The following PDIA2 variants were observed in gnomAD, a reference collection of about 807,000 sequenced individuals.
PDIA2 encodes the protein protein disulfide isomerase family A member 2, also known as protein disulfide-isomerase A2.
Under a neutral mutation model 51.1 loss-of-function variants are expected in PDIA2, and 76 were observed. That is an observed-to-expected ratio of 1.49 (90% CI 1.24 to 1.80). PDIA2 has a LOEUF of 1.80. PDIA2 is among the 40% of genes most tolerant of loss of function. The probability of loss-of-function intolerance (pLI) is 0.00; values close to 1 mark genes in which losing one functional copy is unlikely to be tolerated. For synonymous variants in PDIA2, 429 were observed against 309.9 expected, an observed-to-expected ratio of 1.38 and a Z score of -4.04; for missense variants, 946 against 706.5, an observed-to-expected ratio of 1.34 and a Z score of -3.84.
At chr16:286,313 A>G in intron 7 of PDIA2, 40 bp from the exon 8 acceptor site, 1 of 1,378,308 alleles carries the variant, frequency 7.3e-7, no homozygotes, top group Non-Finnish European at 9.6e-7. Context: ...TGAACCCTGC[A>G]GAGGACCCCT....
In PDIA2 at chr16:284,495, C is replaced by A. The variant is rs781159293; in HGVS notation, c.308C>A (p.Pro103His). ...MVVTLAKVDG[P>H]AQRELAEEFG... is the part of the protein sequence containing the mutation. ...GTCACGCTGGCCAAGGTGGATGGGCCCGCGCAGCGCGAGCTGGCTGAGGAG... is the reference window on the plus strand; with the variant it reads ...GTCACGCTGGCCAAGGTGGATGGGCACGCGCAGCGCGAGCTGGCTGAGGAG... The change falls in exon 2 of 11, where the codon CCC becomes CAC. Residue 103 changes from proline to histidine, a missense_variant. Pro to His is a moderately conservative substitution (Grantham distance 77). Coordinates refer to ENST00000219406, the MANE Select transcript of PDIA2 (RefSeq NM_006849.4). 8 of 1,610,144 alleles carry A rather than the reference C, an allele frequency of 5.0e-6. No homozygotes were observed. The Admixed American group carries it at 1.2e-4, about 24-fold the overall frequency.
At chr16:285,947 AACCCCAACCCCGCGGTTCTC>A (rs2052360404) in intron 7 of PDIA2, among the ~76,000 whole-genome samples, 4 of 19,882 alleles carry the variant, frequency 2.0e-4, no homozygotes, top group Admixed American at 7.8e-4. Flanking sequence ...CCCCAACCCC[AACCCCAACCCCGCGGTTCTC>A]CCAACCCCGC....
In PDIA2 at chr16:287,092, G is replaced by A; in HGVS notation, c.1557G>A (p.Met519Ile). ...PFPEPPANST[M>I]GSKEEL ...AGGAGCCACCGGCCAACTCCACTAT[G>A]GGGTCCAAGGAGGAACTGTAGCTGC... is the stretch of plus-strand genomic sequence containing the variant. The change falls in exon 11 of 11, where the codon ATG becomes ATA. Residue 519 changes from methionine to isoleucine, a missense_variant. By Grantham distance (10) the Met-to-Ile change is conservative. Coordinates refer to ENST00000219406, the MANE Select transcript of PDIA2 (RefSeq NM_006849.4). 1 of 1,612,796 alleles carries A rather than the reference G, an allele frequency of 6.2e-7. No individual in the cohort carries two copies. The highest frequency in any genetic ancestry group is 8.5e-7 in the Non-Finnish European group (1 of 1,179,956).
intron 7 of PDIA2, 41 bp from the exon 8 acceptor site, chr16:286,312 C>T (rs750566014): frequency 1.0e-5 from 16 of 1,550,060 alleles, no homozygotes; most frequent in Middle Eastern, 2.0e-4. Flanking sequence ...CTGAACCCTG[C>T]AGAGGACCCC....
Position 285,325 on chromosome 16 carries a change from T to C in PDIA2, c.809T>C (p.Ile270Thr). The C allele has an allele frequency of 4.3e-6, 7 of 1,612,818 alleles. No homozygotes were observed. Among genetic ancestry groups the C allele is most frequent in the Non-Finnish European group, 5.9e-6 (7 of 1,179,890 alleles). ...TCCCTACTGTAGACGTCTGCCAAGA[T>C]CTTCGCGGCCAGGATCCTCAACCAC... The part of the protein sequence containing the change: ...TEFNSQTSAK[I>T]FAARILNHLL... Residue 270 changes from isoleucine to threonine, a missense_variant, in exon 6 of 11, where the codon ATC (isoleucine) becomes ACC (threonine). Ile to Thr is a moderately conservative substitution (Grantham distance 89, BLOSUM62 -1). Coordinates refer to ENST00000219406, the MANE Select transcript of PDIA2 (RefSeq NM_006849.4).
At chr16:286,499 G>T in intron 8 of PDIA2, 26 bp downstream of exon 8, 6 of 1,613,078 alleles carry the variant, frequency 3.7e-6, no homozygotes, top group Non-Finnish European at 5.1e-6. Flanking sequence ...GGCAGGGGTG[G>T]TGTGGGCTGG....
Position 283,313 on chromosome 16 carries a change from C to A in PDIA2, c.144C>A (p.Ser48Arg). 2 of 1,609,728 alleles carry A rather than the reference C, an allele frequency of 1.2e-6. No homozygotes were observed. Among genetic ancestry groups the A allele is most frequent in the Non-Finnish European group, 1.7e-6 (2 of 1,178,618 alleles). Residue 48 changes from serine (S) to arginine (R), a missense_variant, in exon 1 of 11, where the codon AGC becomes AGA. Coordinates refer to ENST00000219406, the MANE Select transcript of PDIA2 (RefSeq NM_006849.4). The stretch of plus-strand genomic sequence containing the variant: ...AGGAGGATGGGATCTTGGTGCTGAG[C>A]CGCCACACCCTGGGCCTGGCCCTGC... ...IPKEDGILVL[S>R]RHTLGLALRE...
At position 284,902 on chromosome 16, in the gene PDIA2, A is replaced by C; in HGVS notation, c.565A>C (p.Thr189Pro). 1 of 1,612,738 alleles carries C rather than the reference A, an allele frequency of 6.2e-7. No homozygotes were observed. Among genetic ancestry groups the C allele is most frequent in the South Asian group, 1.1e-5 (1 of 91,080 alleles). The change falls in exon 4 of 11, where the codon ACC (threonine) becomes CCC (proline). Residue 189 changes from threonine (T) to proline (P), a missense_variant. Physicochemically the swap from Thr to Pro is conservative, Grantham distance 38. Coordinates refer to ENST00000219406, the MANE Select transcript of PDIA2 (RefSeq NM_006849.4). ...GGACCTGCAGGACGAGGACGTGGCCACCTTCTTGGCCTTGGCCCAGGACGC... is the reference window on the plus strand; with the variant it reads ...GGACCTGCAGGACGAGGACGTGGCCCCCTTCTTGGCCTTGGCCCAGGACGC... ...FQDLQDEDVA[T>P]FLALAQDALD...
chr16:286,664 A>C lies in PDIA2; in HGVS notation c.1351A>C (p.Asn451His). The change falls in exon 9 of 11, where the codon AAC (asparagine) becomes CAC (histidine). Residue 451 changes from asparagine (N) to histidine (H), a missense_variant. Transcript: ENST00000219406. Reference protein sequence around the residue: ...IIIAELDATANELDAFAVHGF... With the variant: ...IIIAELDATAHELDAFAVHGF... Reference sequence around the variant, plus strand: ...CATTGCTGAGCTGGATGCCACGGCCAACGAGCTGGATGCCTTCGCTGTGCA... The same window carrying C: ...CATTGCTGAGCTGGATGCCACGGCCCACGAGCTGGATGCCTTCGCTGTGCA... 1.2e-6 allele frequency: 2 copies of C among 1,612,666 alleles called. No homozygotes were observed. The highest frequency in any genetic ancestry group is 1.7e-6 in the Non-Finnish European group (2 of 1,179,778).
chr16:284,351 G>A, intron 1 of PDIA2, 36 bp from the exon 2 acceptor site: 1 of 1,526,020 alleles, frequency 6.6e-7, no homozygotes, highest in South Asian at 1.2e-5. Context: ...TCCTGGGGTT[G>A]TGGTGGCCTG....
rs1417637061 is a variant in PDIA2, at chr16:284,420, C to A, written c.233C>A (p.Ala78Asp). The part of the protein sequence containing the change: ...APWCGHCQAL[A>D]PEYSKAAAVL... ...TGGTGTGGGCACTGCCAGGCCCTGGCCCCCGAGTACAGCAAGGCAGCTGCC... is the reference window on the plus strand; with the variant it reads ...TGGTGTGGGCACTGCCAGGCCCTGGACCCCGAGTACAGCAAGGCAGCTGCC... The change falls in exon 2 of 11, where the codon GCC becomes GAC. Residue 78 changes from alanine to aspartate, a missense_variant. Coordinates refer to ENST00000219406, the MANE Select transcript of PDIA2 (RefSeq NM_006849.4). 2 of 1,578,252 alleles carry A rather than the reference C, an allele frequency of 1.3e-6. No individual in the cohort carries two copies. Among genetic ancestry groups the A allele is most frequent in the Non-Finnish European group, 8.6e-7 (1 of 1,166,172 alleles).
In PDIA2 at chr16:284,701, G is replaced by A. The variant is rs200585521; in HGVS notation, c.449G>A (p.Arg150Gln). The A allele has an allele frequency of 3.8e-4, 594 of 1,581,974 alleles. 3 individuals carry two copies. The African/African-American group carries it at 5.4e-3, about 14-fold the overall frequency. ...GGCATTGCCGAGTGGCTGCGACGGC[G>A]GGTGGGGCCCAGTGCCATGCGGCTG... ...AEGIAEWLRRRVGPSAMRLED... is the reference protein window; with the variant it reads ...AEGIAEWLRRQVGPSAMRLED... The change falls in exon 3 of 11, where the codon CGG becomes CAG. Residue 150 changes from arginine to glutamine, a missense_variant. Arg to Gln is a conservative substitution (Grantham distance 43, BLOSUM62 1). Coordinates refer to ENST00000219406, the MANE Select transcript of PDIA2 (RefSeq NM_006849.4).
At position 286,842 on chromosome 16, in the gene PDIA2, A is replaced by C. The variant is rs1762327498; in HGVS notation, c.1430A>C (p.Glu477Ala). 1 of 1,610,704 alleles carries C rather than the reference A, an allele frequency of 6.2e-7. No homozygotes were observed. The highest frequency in any genetic ancestry group is 8.5e-7 in the Non-Finnish European group (1 of 1,179,056). Residue 477 changes from glutamate (E) to alanine (A), a missense_variant, in exon 10 of 11, where the codon GAA becomes GCA. Transcript: ENST00000219406. The part of the protein sequence containing the change: ...FPAGPGRKVI[E>A]YKSTRDLETF... The stretch of plus-strand genomic sequence containing the variant: ...CCCCCTGCCTCTTCTCAGGTGATTG[A>C]ATACAAAAGCACCAGGGACCTGGAG...
chr16:286,922 G>C lies in PDIA2; in HGVS notation c.1510G>C (p.Glu504Gln). The C allele has an allele frequency of 1.3e-6, 2 of 1,599,980 alleles. No homozygotes were observed. Among genetic ancestry groups the C allele is most frequent in the Non-Finnish European group, 1.7e-6 (2 of 1,175,016 alleles). Residue 504 changes from glutamate (E) to glutamine (Q), a missense_variant, in exon 10 of 11, where the codon GAG (glutamate) becomes CAG (glutamine). Transcript: ENST00000219406. ...CGTGCTGCCCACGGAGGAGCCCCCG[G>C]AGGAGCCAGCAGCCCCGTTCCCGGT... is the stretch of plus-strand genomic sequence containing the variant. The part of the protein sequence containing the change: ...GGVLPTEEPP[E>Q]EPAAPFPEPP...
chr16:284,614 T>G (rs998197733), intron 2 of PDIA2, 21 bp downstream of exon 2: 2 of 1,589,662 alleles, frequency 1.3e-6, no homozygotes, highest in Non-Finnish European at 1.7e-6. Context: ...GGCCGGTCAT[T>G]GGGGGGGCGG....
Position 285,423 on chromosome 16 carries a change from C to G in PDIA2, c.907C>G (p.Arg303Gly). ...LLAGFGEAAPRFRGQVLFVVV... is the reference protein window; with the variant it reads ...LLAGFGEAAPGFRGQVLFVVV... Reference sequence around the variant, plus strand: ...AGCGGGCTTTGGGGAGGCAGCTCCCCGCTTCCGGGGGCAGGTACTGGGGGG... The same window carrying G: ...AGCGGGCTTTGGGGAGGCAGCTCCCGGCTTCCGGGGGCAGGTACTGGGGGG... The change falls in exon 6 of 11, where the codon CGC becomes GGC. Residue 303 changes from arginine (R) to glycine (G), a missense_variant. By Grantham distance (125) the Arg-to-Gly change is moderately radical (BLOSUM62 -2). Transcript: ENST00000219406. 1.9e-6 allele frequency: 3 copies of G among 1,610,366 alleles called. No homozygotes were observed. Among genetic ancestry groups the G allele is most frequent in the Non-Finnish European group, 2.5e-6 (3 of 1,179,040 alleles).
intron 10 of PDIA2, 21 bp downstream of exon 10, chr16:286,966 G>A (rs1323093938): frequency 2.5e-6 from 4 of 1,605,520 alleles, no homozygotes; most frequent in Non-Finnish European, 2.5e-6. Context: ...CTAAGCCAGG[G>A]CTCCAGGCCT....
chr16:284,877 G>A lies in PDIA2; in HGVS notation c.541-1G>A, dbSNP rs900495972. On this transcript the variant is annotated splice_acceptor_variant, in intron 3 of 10. Transcript: ENST00000219406. LOFTEE classifies it high-confidence loss of function. ...TGGCCTCACAGGGCCAGGCCCCTCA[G>A]GACCTGCAGGACGAGGACGTGGCCA... 6.2e-7 allele frequency: 1 copy of A among 1,612,224 alleles called. No individual in the cohort carries two copies. Among genetic ancestry groups the A allele is most frequent in the East Asian group, 2.2e-5 (1 of 44,886 alleles).
In PDIA2 at chr16:284,810, G is replaced by A. The variant is rs1250505807; in HGVS notation, c.540+18G>A. ...TCTTCCAGGTGAGCCACTGGGCATGGGGGGCCGGGCCATGAGGGCAGTGAC... is the reference window on the plus strand; with the variant it reads ...TCTTCCAGGTGAGCCACTGGGCATGAGGGGCCGGGCCATGAGGGCAGTGAC... On this transcript the variant is annotated intron_variant, in intron 3 of 10. Coordinates refer to ENST00000219406, the MANE Select transcript of PDIA2 (RefSeq NM_006849.4). The A allele has an allele frequency of 1.9e-6, 3 of 1,587,434 alleles. No individual in the cohort carries two copies. Among genetic ancestry groups the A allele is most frequent in the South Asian group, 2.3e-5 (2 of 87,880 alleles).
Sources: gnomAD v4.1 joint callset for allele counts (sites outside exome capture counted in the v4.1 genomes callset) on GRCh38, gnomAD v4.1.1 for gene constraint, MANE v1.5 for transcripts, NCBI Gene and HGNC (gene_info 2026-07-23, HGNC 2026-07-21) for gene names.